The following XYLT1 variants were observed in gnomAD, a reference collection of about 807,000 sequenced individuals.
XYLT1 encodes the protein beta-D-xylosyltransferase 1.
Under a neutral mutation model 91.3 loss-of-function variants are expected in XYLT1, and 36 were observed. The observed-to-expected ratio is 0.39, with a 90% confidence interval of 0.30 to 0.52. XYLT1 has a LOEUF of 0.52. Ranked by LOEUF, XYLT1 falls within the 20% of genes least tolerant of loss-of-function variation. The pLI is 0.68. For missense variants in XYLT1, 1,242 were observed against 1,284.5 expected, an observed-to-expected ratio of 0.97 and a Z score of 0.51; for synonymous variants, 588 against 532.0, an observed-to-expected ratio of 1.11 and a Z score of -1.45.
chr16:17,121,468 A>G (rs891489737), intron 10 of XYLT1, among the ~76,000 whole-genome samples: 3 of 152,188 alleles, frequency 2.0e-5, no homozygotes, highest in African/African-American at 7.2e-5. Context: ...ATGGTCAATT[A>G]CCCAAATTCA....
intron 3 of XYLT1, among the ~76,000 whole-genome samples, chr16:17,242,151 A>G (rs1362506407): frequency 6.6e-6 from 1 of 152,244 alleles, no homozygotes; most frequent in Non-Finnish European, 1.5e-5. Context: ...GTGGGAGTAC[A>G]ATTCAAGATG....
At chr16:17,427,303 TG>T (rs1474380620) in intron 1 of XYLT1, among the ~76,000 whole-genome samples, 2 of 152,206 alleles carry the variant, frequency 1.3e-5, no homozygotes, top group South Asian at 4.1e-4. Context: ...CTTTTGTTGT[TG>T]TTTGGTTTTT....
At chr16:17,177,157 C>CT (rs34715344) in intron 5 of XYLT1, among the ~76,000 whole-genome samples, 1 of 152,128 alleles carries the variant, frequency 6.6e-6, no homozygotes, top group African/African-American at 2.4e-5. Flanking sequence ...TCACCGCCCC[C>CT]TTTTTTTCAC....
chr16:17,230,157 G>C (rs1174342163), intron 3 of XYLT1, among the ~76,000 whole-genome samples: 1 of 152,202 alleles, frequency 6.6e-6, no homozygotes, highest in Non-Finnish European at 1.5e-5. Flanking sequence ...TCCAGGACGA[G>C]AGAATAAATT....
chr16:17,121,982 A>G (rs552158247), intron 10 of XYLT1, among the ~76,000 whole-genome samples: 4 of 143,626 alleles, frequency 2.8e-5, no homozygotes, highest in South Asian at 4.3e-4. Flanking sequence ...ATATATGCGC[A>G]CACACACACA....
chr16:17,326,457 T>C (rs2034803757), intron 2 of XYLT1, among the ~76,000 whole-genome samples: 1 of 152,196 alleles, frequency 6.6e-6, no homozygotes, highest in Non-Finnish European at 1.5e-5. Context: ...CTTTTGCCTT[T>C]GGTATTCCAT....
In XYLT1 at chr16:17,117,633, T is replaced by A. The variant is rs1966855138; in HGVS notation, c.2557+13A>T. 2 of 1,606,216 alleles carry A rather than the reference T, an allele frequency of 1.2e-6. No individual in the cohort carries two copies. The highest frequency in any genetic ancestry group is 1.7e-6 in the Non-Finnish European group (2 of 1,174,428). The stretch of plus-strand genomic sequence containing the variant: ...AGGAGTATTTCTCCCACATAGACAC[T>A]GGGAGTACTTACCAGGTTTGATGGG... On this transcript the variant is annotated intron_variant, in intron 11 of 11. Transcript: ENST00000261381.
chr16:17,452,466 T>A (rs1482721943), intron 1 of XYLT1, among the ~76,000 whole-genome samples: 2 of 152,098 alleles, frequency 1.3e-5, no homozygotes, highest in Non-Finnish European at 2.9e-5. Flanking sequence ...ACTTTTATTT[T>A]AATTATTTTA....
At chr16:17,231,660 C>A (rs1437862369) in intron 3 of XYLT1, among the ~76,000 whole-genome samples, 3 of 152,142 alleles carry the variant, frequency 2.0e-5, no homozygotes, top group African/African-American at 4.8e-5. Context: ...TCCTAGGCTA[C>A]AAACCTGGAC....
At chr16:17,168,330 T>A (rs575452508) in intron 5 of XYLT1, among the ~76,000 whole-genome samples, 1 of 152,296 alleles carries the variant, frequency 6.6e-6, no homozygotes, top group South Asian at 2.1e-4. Flanking sequence ...CTAAGTGAAT[T>A]AACAGAGGAA....
At chr16:17,285,984 C>T (rs1193297655) in intron 2 of XYLT1, among the ~76,000 whole-genome samples, 2 of 150,572 alleles carry the variant, frequency 1.3e-5, no homozygotes, top group Non-Finnish European at 3.0e-5. Flanking sequence ...CAGAGAGAGA[C>T]TGTGTTATGC....
At chr16:17,322,026 G>A (rs1033566277) in intron 2 of XYLT1, among the ~76,000 whole-genome samples, 2 of 152,130 alleles carry the variant, frequency 1.3e-5, no homozygotes, top group African/African-American at 2.4e-5. Context: ...GATGTTTCAC[G>A]AATAATGACA....
chr16:17,439,022 A>G (rs2036498176), intron 1 of XYLT1, among the ~76,000 whole-genome samples: 1 of 152,226 alleles, frequency 6.6e-6, no homozygotes, highest in African/African-American at 2.4e-5. Context: ...AGATCTGATC[A>G]TTGAAATTAA....
At chr16:17,138,063 A>G (rs1225917844) in intron 8 of XYLT1, among the ~76,000 whole-genome samples, 1 of 151,852 alleles carries the variant, frequency 6.6e-6, no homozygotes, top group Non-Finnish European at 1.5e-5. Context: ...TGGCCTTTGG[A>G]AAGTTTTTTT....
chr16:17,390,205 G>C (rs893227183), intron 1 of XYLT1, among the ~76,000 whole-genome samples: 1 of 152,066 alleles, frequency 6.6e-6, no homozygotes, highest in Non-Finnish European at 1.5e-5. Context: ...AGGAATATAG[G>C]GCCCTGAGCC....
chr16:17,242,105 C>T (rs1164398319), intron 3 of XYLT1, among the ~76,000 whole-genome samples: 2 of 152,162 alleles, frequency 1.3e-5, no homozygotes, highest in Non-Finnish European at 2.9e-5. Flanking sequence ...GATTCAATTA[C>T]CTCCCACTAG....
intron 5 of XYLT1, among the ~76,000 whole-genome samples, chr16:17,188,067 G>A (rs2032226074): frequency 6.6e-6 from 1 of 152,038 alleles, no homozygotes; most frequent in Admixed American, 6.6e-5. Flanking sequence ...GGCTCTGAGT[G>A]ACTAAAAGAC....
rs547011905 is a variant in XYLT1 at position 17,354,136 on chromosome 16, G to A, written c.402+3876C>T. Among the ~76,000 whole-genome samples the A allele has an allele frequency of 8.9e-4, 136 of 151,990 alleles. No homozygotes were observed. The South Asian group carries it at 9.6e-3, about 11-fold the overall frequency. On this transcript the variant is annotated intron_variant, in intron 2 of 11. Transcript: ENST00000261381. Reference sequence around the variant, plus strand: ...TTTTCATTTCTAGGTCACCTGATTCGCTGGCAGTCACCATCTGGAGACCAG... The same window carrying A: ...TTTTCATTTCTAGGTCACCTGATTCACTGGCAGTCACCATCTGGAGACCAG...
intron 1 of XYLT1, among the ~76,000 whole-genome samples, chr16:17,458,223 T>G (rs1285735857): frequency 6.6e-6 from 1 of 152,230 alleles, no homozygotes. Context: ...CTGCTAACGT[T>G]GTACTGCGGT....
Sources: allele counts gnomAD v4.1 joint callset (sites outside exome capture counted in the v4.1 genomes callset), GRCh38; gene constraint gnomAD v4.1.1; transcripts MANE v1.5; gene names NCBI Gene and HGNC (gene_info 2026-07-23, HGNC 2026-07-21).